The following EYA1 variants were observed in gnomAD, a reference collection of about 807,000 sequenced individuals.
EYA1 encodes protein phosphatase EYA1.
A neutral mutation model predicts 82.0 loss-of-function variants in EYA1; 16 were observed. That is an observed-to-expected ratio of 0.20 (90% confidence interval 0.13 to 0.30). EYA1 has a LOEUF of 0.30. EYA1 is among the 10% of genes least tolerant of loss of function. The pLI, the probability that EYA1 is intolerant of heterozygous loss-of-function variation, is 1.00. For synonymous variants in EYA1, 261 were observed against 264.4 expected (o/e 0.99, Z 0.12); for missense variants, 633 against 730.7 (o/e 0.87, Z 1.54).
intron 11 of EYA1, among the ~76,000 whole-genome samples, chr8:71,267,540 A>G (rs1189232865): frequency 1.3e-5 from 2 of 152,292 alleles, no homozygotes; most frequent in South Asian, 4.1e-4. Context: ...TTTGGAAATT[A>G]TATGAGATAA....
At chr8:71,365,833 A>G (rs1827721189), upstream of EYA1, among the ~76,000 whole-genome samples, 1 of 152,172 alleles carries the variant, frequency 6.6e-6, no homozygotes, top group Admixed American at 6.5e-5. Context: ...CAACCAAGTA[A>G]AACATCCTCT....
intron 17 of EYA1, among the ~76,000 whole-genome samples, chr8:71,207,702 A>T (rs2128823255): frequency 6.6e-6 from 1 of 152,308 alleles, no homozygotes; most frequent in East Asian, 1.9e-4. Context: ...ATCTTTTTTT[A>T]AGCCATTCTA....
upstream of EYA1, among the ~76,000 whole-genome samples, chr8:71,366,364 T>C (rs866549126): frequency 1.3e-5 from 2 of 152,316 alleles, no homozygotes; most frequent in Middle Eastern, 3.4e-3. Context: ...AGTATATAAA[T>C]AATTGGTCCT....
chr8:71,200,171 T>G (rs1806789321), intron 17 of EYA1: 1 of 152,270 alleles, frequency 6.6e-6, no homozygotes, highest in African/African-American at 2.4e-5. Flanking sequence ...GCAAAACCTT[T>G]TTAAGGGAAA....
At chr8:71,254,243 CAAA>C (rs56047377) in intron 11 of EYA1, among the ~76,000 whole-genome samples, 3 of 51,466 alleles carry the variant, frequency 5.8e-5, no homozygotes, top group African/African-American at 2.4e-4. Flanking sequence ...AAGTCTTGGC[CAAA>C]AAAAAAAAAA....
chr8:71,454,734 A>T (rs529353196), intron 2 of EYA1, among the ~76,000 whole-genome samples: 1 of 152,364 alleles, frequency 6.6e-6, no homozygotes, highest in South Asian at 2.1e-4. Context: ...GAACAAAGAC[A>T]CAACATACCA....
chr8:71,434,844 G>A (rs1302816923), intron 2 of EYA1, among the ~76,000 whole-genome samples: 6 of 152,058 alleles, frequency 3.9e-5, no homozygotes, highest in Non-Finnish European at 7.4e-5. Flanking sequence ...CCCTACTTAC[G>A]GGAGGGAATA....
chr8:71,449,131 ATTC>A (rs1291770592), intron 2 of EYA1: 22 of 165,790 alleles, frequency 1.3e-4, no homozygotes, highest in African/African-American at 5.0e-4. Flanking sequence ...TTGTCTTTGG[ATTC>A]TACTTTCCTA....
At position 71,398,395 on chromosome 8, in the gene EYA1, T is replaced by A. The variant is rs111783390; in HGVS notation, c.34-41884A>T. Among the ~76,000 whole-genome samples the A allele has an allele frequency of 1.6e-3, 246 of 152,358 alleles. 1 individual carries two copies. Among genetic ancestry groups the A allele is most frequent in the African/African-American group, 5.6e-3 (234 of 41,592 alleles). ...CACTCTGATTTTTAGAATTTTCAGC[T>A]TTTCTGCTCTGGTTTCTTCCCACCT... is the stretch of plus-strand genomic sequence containing the variant. On this transcript the variant is annotated intron_variant, in intron 2 of 18. Transcript: ENST00000643681.
intron 2 of EYA1, among the ~76,000 whole-genome samples, chr8:71,486,023 C>G (rs1214941707): frequency 6.6e-6 from 1 of 152,190 alleles, no homozygotes; most frequent in Admixed American, 6.5e-5. Context: ...TTAGCACCAA[C>G]AGTTCTGGCG....
chr8:71,444,588 T>C (rs1333197146), intron 2 of EYA1, among the ~76,000 whole-genome samples: 1 of 152,154 alleles, frequency 6.6e-6, no homozygotes, highest in Non-Finnish European at 1.5e-5. Context: ...TCATCTTAGG[T>C]TGGAATGATT....
intron 2 of EYA1, among the ~76,000 whole-genome samples, chr8:71,456,850 G>A (rs1807965723): frequency 6.6e-6 from 1 of 152,122 alleles, no homozygotes; most frequent in Non-Finnish European, 1.5e-5. Context: ...TTAGGCATGG[G>A]CAAGGACTTC....
chr8:71,509,548 A>C (rs888944371), intron 2 of EYA1, among the ~76,000 whole-genome samples: 1 of 152,158 alleles, frequency 6.6e-6, no homozygotes, highest in African/African-American at 2.4e-5. Flanking sequence ...ACAAAGAAAA[A>C]TGTATTCTTT....
At chr8:71,246,226 A>G (rs929623397) in intron 11 of EYA1, among the ~76,000 whole-genome samples, 17 of 152,308 alleles carry the variant, frequency 1.1e-4, no homozygotes, top group African/African-American at 4.1e-4. Context: ...ACAATAATTT[A>G]TGATATACTA....
intron 2 of EYA1, among the ~76,000 whole-genome samples, chr8:71,464,500 TCAA>T (rs2129194197): frequency 6.6e-6 from 1 of 152,312 alleles, no homozygotes; most frequent in East Asian, 1.9e-4. Context: ...TGAGCCAAAC[TCAA>T]CAGGCAATGC....
chr8:71,325,407 A>G (rs886787668), intron 4 of EYA1, among the ~76,000 whole-genome samples: 2 of 152,208 alleles, frequency 1.3e-5, no homozygotes, highest in African/African-American at 4.8e-5. Context: ...ATAGATGGTT[A>G]CATTCCTCTG....
intron 1 of EYA1, among the ~76,000 whole-genome samples, chr8:71,360,178 T>C (rs562227997): frequency 2.0e-5 from 3 of 152,298 alleles, no homozygotes; most frequent in Non-Finnish European, 4.4e-5. Context: ...CTTTTTGCAA[T>C]GCGTCGTTTA....
intron 4 of EYA1, among the ~76,000 whole-genome samples, chr8:71,333,274 G>A (rs1480581214): frequency 6.6e-6 from 1 of 152,072 alleles, no homozygotes; most frequent in Non-Finnish European, 1.5e-5. Flanking sequence ...ATTTCATTTT[G>A]TATTTATAAT....
chr8:71,322,794 T>C (rs763108243), intron 4 of EYA1, among the ~76,000 whole-genome samples: 1 of 152,206 alleles, frequency 6.6e-6, no homozygotes, highest in Non-Finnish European at 1.5e-5. Flanking sequence ...GATTTAGCAA[T>C]GGTTTTTAGT....
Sources: gnomAD v4.1 joint callset for allele counts (sites outside exome capture counted in the v4.1 genomes callset) on GRCh38, gnomAD v4.1.1 for gene constraint, MANE v1.5 for transcripts, NCBI Gene and HGNC (gene_info 2026-07-23, HGNC 2026-07-21) for gene names.